Variants in DENND6A observed in about 807,000 individuals in gnomAD.
The protein encoded by DENND6A is DENN domain containing 6A.
Under a neutral mutation model 95.5 loss-of-function variants are expected in DENND6A, and 43 were observed. The observed-to-expected ratio is 0.45, with a 90% CI of 0.35 to 0.58. The LOEUF (loss-of-function observed/expected upper bound fraction) is 0.58, where lower values mean the gene tolerates loss of function less well. Ranked by LOEUF, DENND6A falls within the 20% of genes least tolerant of loss-of-function variation. DENND6A has a pLI of 0.00. For synonymous variants in DENND6A, 257 were observed against 260.4 expected (o/e 0.99, Z 0.13); for missense variants, 574 against 736.0 (o/e 0.78, Z 2.55).
chr3:57,638,430 G>A lies in DENND6A; in HGVS notation c.1132+3223C>T, dbSNP rs964374731. Among the ~76,000 whole-genome samples, 3 of 151,724 alleles carry A rather than the reference G, an allele frequency of 2.0e-5. No individual in the cohort carries two copies. In the South Asian group the frequency reaches 6.2e-4, roughly 32 times the overall value. On this transcript the variant is annotated intron_variant, in intron 12 of 19. Transcript: ENST00000311128. ...TGCAGCACTTTGGGAGGCCAAGGCG[G>A]GTGGATCACCTGAGGTCAGGAGTTC...
chr3:57,683,777 A>G (rs2077187189), intron 1 of DENND6A, among the ~76,000 whole-genome samples: 1 of 152,214 alleles, frequency 6.6e-6, no homozygotes, highest in Admixed American at 6.5e-5. Flanking sequence ...GTGGGGGGAA[A>G]TTAGGCTTCA....
chr3:57,639,160 G>A (rs1399238880), intron 12 of DENND6A, among the ~76,000 whole-genome samples: 2 of 152,042 alleles, frequency 1.3e-5, no homozygotes, highest in African/African-American at 4.8e-5. Context: ...TGAATGAAAG[G>A]AAGTAGATGA....
At position 57,692,781 on chromosome 3, in the gene DENND6A, C is replaced by A; in HGVS notation, c.237+1G>T. 6.6e-7 allele frequency: 1 copy of A among 1,516,002 alleles called. No homozygotes were observed. 93.9% of individuals were successfully genotyped at this position (1,516,002 alleles called of 1,614,324 possible). On this transcript the variant is annotated splice_donor_variant, in intron 1 of 19. Transcript: ENST00000311128. LOFTEE classifies it high-confidence loss of function. ...CGAGAAAGGGCGGGGCCGGGCCTCACCTCCACGGCCTGGCCCAGCTCCAGG... is the reference window on the plus strand; with the variant it reads ...CGAGAAAGGGCGGGGCCGGGCCTCAACTCCACGGCCTGGCCCAGCTCCAGG...
chr3:57,631,161 T>G (rs1255777763), intron 15 of DENND6A, 183 bp from the exon 16 acceptor site: 2 of 577,968 alleles, frequency 3.5e-6, no homozygotes, highest in Non-Finnish European at 6.1e-6. Context: ...AGATTTCAAA[T>G]AAAAATTCAA....
intron 10 of DENND6A, 44 bp from the exon 11 acceptor site, chr3:57,645,800 AAAGGTCCTAATCTAT>A (rs1304253108): frequency 7.0e-7 from 1 of 1,432,202 alleles, no homozygotes; most frequent in East Asian, 2.3e-5. Flanking sequence ...CACAGAAATT[AAAGGTCCTAATCTAT>A]AACTAGAAAA....
At chr3:57,658,161 G>A (rs1239138304) in intron 8 of DENND6A, among the ~76,000 whole-genome samples, 8 of 151,660 alleles carry the variant, frequency 5.3e-5, no homozygotes, top group East Asian at 3.9e-4. Context: ...GCGTGAACCC[G>A]GGAGGTGAAG....
intron 1 of DENND6A, among the ~76,000 whole-genome samples, chr3:57,686,920 G>A (rs753576382): frequency 2.9e-4 from 44 of 152,328 alleles, no homozygotes; most frequent in Non-Finnish European, 4.6e-4. Flanking sequence ...AGCTAGAAAT[G>A]ATTTAAGTTT....
Position 57,663,497 on chromosome 3 carries a change from T to TACACAC in DENND6A, c.513+133_513+138dup, listed in dbSNP as rs1553742683. 36 of 150,004 alleles carry TACACAC rather than the reference T, an allele frequency of 2.4e-4. No homozygotes were observed. In the East Asian group the frequency reaches 4.6e-3, roughly 19 times the overall value. The allele number at this position is 150,004 out of a possible 1,614,324, so 9.3% of individuals were successfully genotyped here. ...AAAAAAAAAAAAAAAAATATATATA[T>TACACAC]ACACACACACACACACATATATATA... On this transcript the variant is annotated intron_variant, in intron 5 of 19. Coordinates refer to ENST00000311128, the MANE Select transcript of DENND6A (RefSeq NM_152678.3).
chr3:57,673,213 C>CAAAAAA (rs386396751), intron 1 of DENND6A, among the ~76,000 whole-genome samples: 137 of 67,780 alleles, frequency 2.0e-3, no homozygotes, highest in East Asian at 5.5e-3. Context: ...CATTTCGTAT[C>CAAAAAA]AAAAAAAAAA....
intron 9 of DENND6A, among the ~76,000 whole-genome samples, chr3:57,656,181 T>C (rs1340177235): frequency 2.0e-5 from 3 of 152,200 alleles, no homozygotes; most frequent in African/African-American, 4.8e-5. Flanking sequence ...CCTTATGTAG[T>C]AGATTTCCTC....
At chr3:57,632,026 T>TTC in intron 15 of DENND6A, among the ~76,000 whole-genome samples, 1 of 126,420 alleles carries the variant, frequency 7.9e-6, no homozygotes, top group East Asian at 2.5e-4. Context: ...CCGGCCTTTT[T>TTC]TTTTTTTTTT....
intron 1 of DENND6A, 42 bp from the exon 2 acceptor site, chr3:57,672,480 A>G: frequency 1.3e-6 from 2 of 1,582,218 alleles, no homozygotes; most frequent in Non-Finnish European, 1.7e-6. Flanking sequence ...TATTATAAAC[A>G]TTAGTTATAA....
rs984018655 is a variant in DENND6A at position 57,625,729 on chromosome 3, A to G, written c.*2485T>C. On this transcript the variant is annotated 3_prime_UTR_variant, in exon 20 of 20. Transcript: ENST00000311128. ...CCCAGTGCAAATTTACATCATTTTT[A>G]CAAGTACATAGTTTGAAATTAAGAG... is the stretch of plus-strand genomic sequence containing the variant. The G allele has an allele frequency of 2.6e-5, 4 of 152,520 alleles. No homozygotes were observed. Among genetic ancestry groups the G allele is most frequent in the African/African-American group, 9.6e-5 (4 of 41,458 alleles). The allele number at this position is 152,520 out of a possible 1,614,324, so 9.4% of individuals were successfully genotyped here. A position where few individuals can be genotyped will look rare whatever the true frequency, so the allele number is the denominator to read the frequency against.
rs2071634175 is a variant in DENND6A at position 57,672,447 on chromosome 3, A to C, written c.238-9T>G. ...TGCTGAGGATAAATTACCTGGAAGA[A>C]AAGAGTTAAATTTTGTTAAACATAT... On this transcript the variant is annotated splice_polypyrimidine_tract_variant and intron_variant, in intron 1 of 19. Coordinates refer to ENST00000311128, the MANE Select transcript of DENND6A (RefSeq NM_152678.3). The C allele has an allele frequency of 1.2e-6, 2 of 1,610,860 alleles. No homozygotes were observed. Among genetic ancestry groups the C allele is most frequent in the Non-Finnish European group, 1.7e-6 (2 of 1,178,480 alleles).
Position 57,663,721 on chromosome 3 carries a change from G to C in DENND6A, c.433-5C>G. On this transcript the variant is annotated splice_polypyrimidine_tract_variant and splice_region_variant and intron_variant, in intron 4 of 19. Coordinates refer to ENST00000311128, the MANE Select transcript of DENND6A (RefSeq NM_152678.3). The stretch of plus-strand genomic sequence containing the variant: ...ATAAAAATAAGCAGGATCCTTCTAA[G>C]AAGAAAGTGACAAGTAAGTGTGTGT... 1 of 1,557,040 alleles carries C rather than the reference G, an allele frequency of 6.4e-7. No homozygotes were observed.
intron 7 of DENND6A, among the ~76,000 whole-genome samples, chr3:57,659,774 C>T (rs1249502379): frequency 6.6e-6 from 1 of 152,072 alleles, no homozygotes; most frequent in Non-Finnish European, 1.5e-5. Context: ...AGAACAAAAC[C>T]CTGGGATGAA....
rs1354649913 is a variant in DENND6A at position 57,630,981 on chromosome 3, A to G, written c.1354-3T>C. 1.2e-6 allele frequency: 2 copies of G among 1,610,332 alleles called. No individual in the cohort carries two copies. Among genetic ancestry groups the G allele is most frequent in the Non-Finnish European group, 1.7e-6 (2 of 1,179,196 alleles). On this transcript the variant is annotated splice_region_variant and splice_polypyrimidine_tract_variant and intron_variant, in intron 15 of 19. Transcript: ENST00000311128. ...ATCAAGCTTGCCACATATCTTTCCT[A>G]AAACCAAGAAAAAAGTTAATAAAAG... is the stretch of plus-strand genomic sequence containing the variant.
intron 9 of DENND6A, among the ~76,000 whole-genome samples, chr3:57,653,467 C>T (rs1007188888): frequency 3.3e-5 from 5 of 151,934 alleles, no homozygotes; most frequent in African/African-American, 7.3e-5. Context: ...AGTAGTAGGC[C>T]GGGCGCGGTG....
rs1462815102 is a variant in DENND6A at position 57,662,983 on chromosome 3, G to C, written c.513+653C>G. Among the ~76,000 whole-genome samples, 6 of 149,938 alleles carry C rather than the reference G, an allele frequency of 4.0e-5. No homozygotes were observed. In the Admixed American group the frequency reaches 4.0e-4, roughly 10 times the overall value. ...AAAATACAAAAATTAGCTGGGCATG[G>C]TAGTGCACACCTGTAATGCCAGCTA... On this transcript the variant is annotated intron_variant, in intron 5 of 19. Coordinates refer to ENST00000311128, the MANE Select transcript of DENND6A (RefSeq NM_152678.3).
Sources: allele counts gnomAD v4.1 joint callset (sites outside exome capture counted in the v4.1 genomes callset), GRCh38; gene constraint gnomAD v4.1.1; transcripts MANE v1.5; gene names NCBI Gene and HGNC (gene_info 2026-07-23, HGNC 2026-07-21).